Variants in RANBP2 observed in about 807,000 individuals in gnomAD.
RANBP2 encodes E3 SUMO-protein ligase RanBP2.
In RANBP2, 57 loss-of-function variants were observed where a neutral mutation model predicts 303.6. The ratio of observed to expected loss-of-function variants is 0.19; its 90% CI spans 0.15 to 0.23. The LOEUF (loss-of-function observed/expected upper bound fraction) is 0.23, where lower values mean the gene tolerates loss of function less well. RANBP2 is among the 10% of genes least tolerant of loss of function. RANBP2 has a pLI of 1.00. For synonymous variants in RANBP2, 1,167 were observed against 1,301.5 expected (o/e 0.90, Z 2.23); for missense variants, 3,138 against 3,780.8 (o/e 0.83, Z 4.46).
chr2:109,291,280 C>CTT, the RANBP2 span, among the ~76,000 whole-genome samples: 22 of 137,276 alleles, frequency 1.6e-4, no homozygotes, highest in East Asian at 6.5e-4. Flanking sequence ...AGAGTAATCT[C>CTT]TTTTTTTTTT....
At chr2:108,812,759 C>T in the RANBP2 span, 8 of 1,609,874 alleles carry the variant, frequency 5.0e-6, no homozygotes, top group Non-Finnish European at 5.9e-6. Flanking sequence ...TAGATGATTA[C>T]CTTTGAGTTT....
chr2:108,788,604 C>T (rs1206726719), downstream of RANBP2, among the ~76,000 whole-genome samples: 5 of 151,532 alleles, frequency 3.3e-5, no homozygotes, highest in Admixed American at 6.6e-5. Flanking sequence ...CCTGTAGTCC[C>T]GGCTACTCAG....
chr2:108,727,122 A>C (rs963670178), intron 1 of RANBP2, among the ~76,000 whole-genome samples: 1 of 152,166 alleles, frequency 6.6e-6, no homozygotes, highest in African/African-American at 2.4e-5. Flanking sequence ...CATTGTCATC[A>C]TGGCCCGTTC....
the RANBP2 span, among the ~76,000 whole-genome samples, chr2:109,672,209 T>C: frequency 1.3e-5 from 2 of 152,204 alleles, no homozygotes; most frequent in Non-Finnish European, 2.9e-5. Flanking sequence ...TGTTAATGCA[T>C]TGTAAGTTGT....
At chr2:109,468,347 T>C in the RANBP2 span, among the ~76,000 whole-genome samples, 1 of 152,318 alleles carries the variant, frequency 6.6e-6, no homozygotes, top group South Asian at 2.1e-4. Flanking sequence ...CGTTGCACTG[T>C]GATGTTATGA....
chr2:109,537,359 T>C, the RANBP2 span, among the ~76,000 whole-genome samples: 1 of 152,222 alleles, frequency 6.6e-6, no homozygotes, highest in East Asian at 1.9e-4. Flanking sequence ...AATTTCCTAA[T>C]ATTAAAACCA....
At chr2:108,798,512 A>G in the RANBP2 span, 7 of 1,614,018 alleles carry the variant, frequency 4.3e-6, no homozygotes, top group Non-Finnish European at 5.9e-6. Flanking sequence ...ACTGCTTTTC[A>G]GACATGAAAA....
the RANBP2 span, among the ~76,000 whole-genome samples, chr2:109,156,051 C>T: frequency 1.1e-4 from 17 of 152,218 alleles, no homozygotes; most frequent in East Asian, 1.7e-3. Context: ...TGAAATCACC[C>T]GTACTTTGGG....
At chr2:109,352,716 C>T in the RANBP2 span, among the ~76,000 whole-genome samples, 1 of 152,186 alleles carries the variant, frequency 6.6e-6, no homozygotes, top group Non-Finnish European at 1.5e-5. Flanking sequence ...ATTTCTCCTC[C>T]TAGGCTCAGT....
the RANBP2 span, among the ~76,000 whole-genome samples, chr2:109,330,318 A>C: frequency 5.7e-4 from 86 of 152,160 alleles, 1 homozygote; most frequent in Admixed American, 5.2e-3. Flanking sequence ...AAAGGGGCAA[A>C]ATTCTTCTCT....
the RANBP2 span, chr2:108,910,798 G>A: frequency 6.8e-6 from 11 of 1,613,498 alleles, no homozygotes; most frequent in African/African-American, 4.0e-5. Flanking sequence ...TCTTCTCCTC[G>A]TCCTTGCTCA....
chr2:109,710,802 A>AC, the RANBP2 span, among the ~76,000 whole-genome samples: 1 of 151,872 alleles, frequency 6.6e-6, no homozygotes, highest in Non-Finnish European at 1.5e-5. Flanking sequence ...GATGGGCTGA[A>AC]CCCCCCGGGC....
chr2:108,888,795 C>A, the RANBP2 span, among the ~76,000 whole-genome samples: 2 of 151,630 alleles, frequency 1.3e-5, no homozygotes, highest in African/African-American at 4.8e-5. Context: ...TAAGTCCCTA[C>A]TTTATTTAGT....
the RANBP2 span, among the ~76,000 whole-genome samples, chr2:109,013,736 C>A: frequency 6.6e-6 from 1 of 151,920 alleles, no homozygotes; most frequent in Non-Finnish European, 1.5e-5. Flanking sequence ...CGCGCCACCA[C>A]CCCTGGCTAA....
the RANBP2 span, among the ~76,000 whole-genome samples, chr2:109,623,144 C>T: frequency 6.6e-6 from 1 of 152,164 alleles, no homozygotes; most frequent in East Asian, 1.9e-4. Context: ...AAAACAACAA[C>T]AACAACAACA....
the RANBP2 span, among the ~76,000 whole-genome samples, chr2:109,236,233 C>G: frequency 6.6e-6 from 1 of 152,180 alleles, no homozygotes; most frequent in African/African-American, 2.4e-5. Context: ...AATATACTTG[C>G]CTTTGGACCT....
chr2:108,857,572 C>T, the RANBP2 span, among the ~76,000 whole-genome samples: 1 of 152,158 alleles, frequency 6.6e-6, no homozygotes, highest in Non-Finnish European at 1.5e-5. Context: ...TTATTTTCTT[C>T]TCCTGTCCCA....
At chr2:108,850,158 C>T in the RANBP2 span, among the ~76,000 whole-genome samples, 2 of 152,088 alleles carry the variant, frequency 1.3e-5, no homozygotes, top group African/African-American at 2.4e-5. Flanking sequence ...TCTGGGAGAA[C>T]TAAACATTTA....
the RANBP2 span, among the ~76,000 whole-genome samples, chr2:109,290,473 C>T: frequency 6.6e-6 from 1 of 152,240 alleles, no homozygotes; most frequent in South Asian, 2.1e-4. Flanking sequence ...TCCTCATGTT[C>T]GTATTCTATA....
Sources: allele counts gnomAD v4.1 joint callset (sites outside exome capture counted in the v4.1 genomes callset), GRCh38; gene constraint gnomAD v4.1.1; transcripts MANE v1.5; gene names NCBI Gene and HGNC (gene_info 2026-07-23, HGNC 2026-07-21).